The following RFPL1 variants were observed in gnomAD, a reference collection of about 807,000 sequenced individuals.
RFPL1 encodes the protein ret finger protein-like 1.
A neutral mutation model predicts 9.6 loss-of-function variants in RFPL1; 6 were observed. The observed-to-expected ratio is 0.62, with a 90% CI of 0.34 to 1.23. RFPL1 has a LOEUF of 1.23. Among genes scored for constraint, RFPL1 ranks in the 50% most tolerant of loss-of-function variants. The pLI, the probability that RFPL1 is intolerant of heterozygous loss-of-function variation, is 0.03. For synonymous variants in RFPL1, 145 were observed against 149.4 expected (o/e 0.97, Z 0.22); for missense variants, 352 against 398.4 (o/e 0.88, Z 0.99).
the RFPL1 span, among the ~76,000 whole-genome samples, chr22:29,391,004 T>G: frequency 3.3e-5 from 5 of 150,476 alleles, no homozygotes; most frequent in African/African-American, 1.2e-4. Context: ...TAGCCGGACA[T>G]GGTGGTGGGT....
the RFPL1 span, among the ~76,000 whole-genome samples, chr22:29,394,662 A>G: frequency 6.6e-6 from 1 of 152,208 alleles, no homozygotes; most frequent in African/African-American, 2.4e-5. Flanking sequence ...TTTGGGCCTC[A>G]GTTTCTCTTC....
chr22:29,441,962 C>T (rs1397094204), exon 2 of RFPL1: 1 of 1,613,868 alleles, frequency 6.2e-7, no homozygotes, highest in Non-Finnish European at 8.5e-7. Flanking sequence ...GAAGGTGGTT[C>T]CCATGTCTAT....
chr22:29,392,379 T>A, the RFPL1 span, among the ~76,000 whole-genome samples: 1 of 31,006 alleles, frequency 3.2e-5, no homozygotes, highest in Admixed American at 2.4e-4. Flanking sequence ...CACACCTGGC[T>A]TTTTTTTTTT....
the RFPL1 span, among the ~76,000 whole-genome samples, chr22:29,431,829 T>G: frequency 0.025 from 3,783 of 152,078 alleles, 140 homozygotes; most frequent in African/African-American, 0.086. Flanking sequence ...TAGCTGGGAT[T>G]ACAGATGTGC....
At chr22:29,399,523 G>T in the RFPL1 span, among the ~76,000 whole-genome samples, 1 of 152,164 alleles carries the variant, frequency 6.6e-6, no homozygotes, top group African/African-American at 2.4e-5. Flanking sequence ...GGGTCCTGAG[G>T]ATTTCATCGG....
intron 1 of RFPL1, 110 bp downstream of exon 1, chr22:29,439,274 A>T: frequency 7.2e-7 from 1 of 1,389,808 alleles, no homozygotes; most frequent in Non-Finnish European, 9.8e-7. Flanking sequence ...GGCACCTAAA[A>T]TTGAGATGCT....
chr22:29,441,331 G>T, intron 1 of RFPL1: 1 of 575,878 alleles, frequency 1.7e-6, no homozygotes, highest in Non-Finnish European at 3.0e-6. Flanking sequence ...TAAAATAATT[G>T]CTACTGTGAA....
the RFPL1 span, among the ~76,000 whole-genome samples, chr22:29,403,717 CA>C: frequency 3.9e-5 from 6 of 152,214 alleles, no homozygotes; most frequent in Non-Finnish European, 7.3e-5. Context: ...AAGAGAAAGG[CA>C]AATGACAACT....
At chr22:29,439,238 T>A in intron 1 of RFPL1, 74 bp downstream of exon 1, 1 of 1,541,488 alleles carries the variant, frequency 6.5e-7, no homozygotes, top group Non-Finnish European at 8.7e-7. Context: ...TGGCCCCTCA[T>A]TCCATATGGG....
At chr22:29,398,172 T>G in the RFPL1 span, among the ~76,000 whole-genome samples, 1 of 152,186 alleles carries the variant, frequency 6.6e-6, no homozygotes, top group African/African-American at 2.4e-5. Flanking sequence ...AGGCTGGAGA[T>G]GGCAGGCCTC....
the RFPL1 span, among the ~76,000 whole-genome samples, chr22:29,421,643 C>T: frequency 1.3e-5 from 2 of 151,304 alleles, no homozygotes; most frequent in Non-Finnish European, 1.5e-5. Context: ...CGCCACTGTG[C>T]CTGGCTCTAA....
the RFPL1 span, among the ~76,000 whole-genome samples, chr22:29,398,608 C>T: frequency 2.0e-5 from 3 of 152,148 alleles, no homozygotes; most frequent in African/African-American, 7.2e-5. Flanking sequence ...GTCACTTGCC[C>T]TTTCTGTGCC....
At chr22:29,391,702 C>T in the RFPL1 span, among the ~76,000 whole-genome samples, 6 of 152,206 alleles carry the variant, frequency 3.9e-5, no homozygotes, top group East Asian at 1.2e-3. Context: ...AACAGAGTTG[C>T]GTAGGCTGAG....
exon 2 of RFPL1, chr22:29,442,127 C>G: frequency 1.3e-6 from 2 of 1,512,074 alleles, no homozygotes; most frequent in African/African-American, 2.8e-5. Flanking sequence ...AAATAAGCCC[C>G]CACTGCAAAA....
the RFPL1 span, among the ~76,000 whole-genome samples, chr22:29,402,189 G>A: frequency 6.6e-6 from 1 of 152,114 alleles, no homozygotes; most frequent in Non-Finnish European, 1.5e-5. Context: ...ATGGAAACTT[G>A]GAGAAAGCTA....
At chr22:29,410,234 T>C in the RFPL1 span, among the ~76,000 whole-genome samples, 1 of 135,900 alleles carries the variant, frequency 7.4e-6, no homozygotes, top group Non-Finnish European at 1.5e-5. Flanking sequence ...TATATAGATA[T>C]ATATATAGTA....
At chr22:29,408,293 GC>G in the RFPL1 span, among the ~76,000 whole-genome samples, 1 of 152,274 alleles carries the variant, frequency 6.6e-6, no homozygotes, top group Admixed American at 6.5e-5. Context: ...TGATGAGGTT[GC>G]CCTAGCTGGA....
the RFPL1 span, among the ~76,000 whole-genome samples, chr22:29,410,130 C>T: frequency 1.3e-5 from 2 of 149,838 alleles, no homozygotes; most frequent in Non-Finnish European, 3.0e-5. Context: ...GCCAACAGGG[C>T]CCAGCATGAT....
At chr22:29,390,669 C>T in the RFPL1 span, among the ~76,000 whole-genome samples, 1 of 151,730 alleles carries the variant, frequency 6.6e-6, no homozygotes, top group Admixed American at 6.6e-5. Context: ...GATCTCGGCT[C>T]ACTGCAAGCT....
Sources: allele counts gnomAD v4.1 joint callset (sites outside exome capture counted in the v4.1 genomes callset), GRCh38; gene constraint gnomAD v4.1.1; transcripts MANE v1.5; gene names NCBI Gene and HGNC (gene_info 2026-07-23, HGNC 2026-07-21).